Variants in SATB1 observed in about 807,000 individuals in gnomAD.
The protein encoded by SATB1 is SATB homeobox 1.
SATB1 carries 11 observed loss-of-function variants against 86.9 expected under a neutral mutation model. The observed-to-expected ratio is 0.13, with a 90% confidence interval of 0.08 to 0.21. SATB1 has a LOEUF of 0.21. SATB1 is among the 10% of genes least tolerant of loss of function. The pLI is 1.00. For missense variants in SATB1, 551 were observed against 937.6 expected (o/e 0.59, Z 5.39); for synonymous variants, 357 against 357.2 (o/e 1.00, Z 0.01).
intron 5 of SATB1, chr3:18,409,160 T>A (rs1043572619): frequency 6.6e-6 from 1 of 152,028 alleles, no homozygotes; most frequent in Non-Finnish European, 1.5e-5. Context: ...GCTTAAACTC[T>A]TTTATGTTTT....
chr3:18,371,680 A>G (rs906666303), intron 9 of SATB1, among the ~76,000 whole-genome samples: 1 of 152,208 alleles, frequency 6.6e-6, no homozygotes, highest in African/African-American at 2.4e-5. Flanking sequence ...GCATTTTCAT[A>G]GCTCATTCAT....
chr3:18,366,120 C>T (rs910894802), intron 9 of SATB1, among the ~76,000 whole-genome samples: 4 of 152,162 alleles, frequency 2.6e-5, no homozygotes, highest in African/African-American at 9.7e-5. Context: ...TGACAAGCAG[C>T]ACTCCTGTTG....
chr3:18,384,641 AG>A (rs1368897356), intron 8 of SATB1, among the ~76,000 whole-genome samples: 41 of 152,332 alleles, frequency 2.7e-4, no homozygotes, highest in African/African-American at 7.2e-4. Flanking sequence ...TAAACACTAC[AG>A]AAAAAGTACC....
At chr3:18,355,823 A>G (rs1694603019) in intron 9 of SATB1, among the ~76,000 whole-genome samples, 1 of 152,006 alleles carries the variant, frequency 6.6e-6, no homozygotes, top group East Asian at 1.9e-4. Context: ...TAAAATAATG[A>G]GACCGATCCA....
At chr3:18,433,656 T>C (rs1698963724) in intron 2 of SATB1, among the ~76,000 whole-genome samples, 1 of 152,092 alleles carries the variant, frequency 6.6e-6, no homozygotes, top group Non-Finnish European at 1.5e-5. Context: ...AATTAAGGAA[T>C]GCTAATAAAG....
At chr3:18,427,949 A>C (rs1698765372), upstream of SATB1, among the ~76,000 whole-genome samples, 1 of 152,240 alleles carries the variant, frequency 6.6e-6, no homozygotes, top group Non-Finnish European at 1.5e-5. Flanking sequence ...CACTGATGAA[A>C]TTAATTACTA....
chr3:18,417,583 G>C (rs1427051252), intron 2 of SATB1: 8 of 638,036 alleles, frequency 1.3e-5, no homozygotes, highest in Non-Finnish European at 1.9e-5. Context: ...TCCTTTTTTA[G>C]ATATTAACTC....
intron 8 of SATB1, among the ~76,000 whole-genome samples, chr3:18,385,167 C>T (rs983443253): frequency 6.6e-6 from 1 of 152,082 alleles, no homozygotes; most frequent in Non-Finnish European, 1.5e-5. Flanking sequence ...AAATGTATAA[C>T]CACTTTCTAC....
chr3:18,384,847 G>A (rs145325568), intron 8 of SATB1, among the ~76,000 whole-genome samples: 182 of 152,208 alleles, frequency 1.2e-3, no homozygotes, highest in Middle Eastern at 3.4e-3. Context: ...TGCGTGGGCA[G>A]GTGGGTGTGT....
At chr3:18,351,925 A>G in intron 10 of SATB1, 67 bp downstream of exon 10, 1 of 1,485,672 alleles carries the variant, frequency 6.7e-7, no homozygotes, top group Non-Finnish European at 9.4e-7. Flanking sequence ...GAGAAACGCT[A>G]ATTTCCCTGC....
chr3:18,419,872 A>T (rs937888760), intron 2 of SATB1, among the ~76,000 whole-genome samples: 1 of 152,238 alleles, frequency 6.6e-6, no homozygotes, highest in African/African-American at 2.4e-5. Context: ...CCAAGGAAAA[A>T]ATAAATGATT....
intron 7 of SATB1, among the ~76,000 whole-genome samples, chr3:18,388,662 G>A (rs1696470632): frequency 6.6e-6 from 1 of 152,090 alleles, no homozygotes; most frequent in Admixed American, 6.5e-5. Context: ...TTACCCATGA[G>A]TCAATTCTAG....
chr3:18,421,097 A>G, intron 1 of SATB1, 106 bp from the exon 2 acceptor site: 2 of 709,016 alleles, frequency 2.8e-6, no homozygotes, highest in Non-Finnish European at 4.7e-6. Context: ...CACAAATATA[A>G]TGTATTTGTA....
In SATB1 at chr3:18,349,416, G is replaced by A. The variant is rs200306946; in HGVS notation, c.2046C>T (p.Leu682=). Residue 682 remains leucine, a synonymous_variant, in exon 11 of 11, where the codon CTC becomes CTT. Coordinates refer to ENST00000338745, the MANE Select transcript of SATB1 (RefSeq NM_002971.6). This position sits in a 1 kb window ranked among gnomAD's most constrained non-coding sequence, Gnocchi z 5.5. ...TGATGATGGTGTACTTGGGAAGGTC[G>A]AGCTGGGCAGACAGAGTCTGGATGG... ...EEAIQTLSAQ[L]DLPKYTIIKF... is the part of the protein sequence containing the mutation. 7.4e-6 allele frequency: 12 copies of A among 1,614,182 alleles called. No individual in the cohort carries two copies. The Admixed American group carries it at 1.5e-4, about 20-fold the overall frequency.
At chr3:18,362,639 AATT>A (rs994748639) in intron 9 of SATB1, among the ~76,000 whole-genome samples, 1 of 151,974 alleles carries the variant, frequency 6.6e-6, no homozygotes, top group Non-Finnish European at 1.5e-5. Flanking sequence ...AGGCAAATAA[AATT>A]ATTATTTTCT....
At position 18,349,067 on chromosome 3, in the gene SATB1, C is replaced by CCAAA; in HGVS notation, c.*99_*102dup. 6.7e-7 allele frequency: 1 copy of CCAAA among 1,499,510 alleles called. No individual in the cohort carries two copies. The highest frequency in any genetic ancestry group is 8.9e-7 in the Non-Finnish European group (1 of 1,126,886). 92.9% of individuals were successfully genotyped at this position (1,499,510 alleles called of 1,614,324 possible). A position where few individuals can be genotyped will look rare whatever the true frequency, so the allele number is the denominator to read the frequency against. ...GTGCAAGTTTTTGAAGATTCATTGG[C>CCAAA]CAAACAATGAACAACAAAGGTTTTC... is the stretch of plus-strand genomic sequence containing the variant. On this transcript the variant is annotated 3_prime_UTR_variant, in exon 11 of 11. Transcript: ENST00000338745. The surrounding 1 kb of genome is among the most constrained non-coding windows in gnomAD (Gnocchi z 5.5).
chr3:18,416,872 T>C, intron 3 of SATB1, 30 bp downstream of exon 3: 4 of 1,560,112 alleles, frequency 2.6e-6, no homozygotes, highest in Non-Finnish European at 3.5e-6. Context: ...TGCTAAGCAA[T>C]TTTTCCAACC....
intron 9 of SATB1, among the ~76,000 whole-genome samples, chr3:18,376,439 C>G (rs1695759287): frequency 6.6e-6 from 1 of 151,452 alleles, no homozygotes; most frequent in Non-Finnish European, 1.5e-5. Flanking sequence ...GGAATGCAGT[C>G]TGATTATTAC....
rs1358200908 is a variant in SATB1 at position 18,394,880 on chromosome 3, C to A, written c.788G>T (p.Gly263Val). ...MDSLSELSQQ[G>V]ANHVNFGQQP... is the part of the protein sequence containing the mutation. ...CTGGCCAAAATTGACATGATTGGCG[C>A]CTTGCTGGGATAGCTCAGAAAGACT... Residue 263 changes from glycine (G) to valine (V), a missense_variant, in exon 7 of 11, where the codon GGC (glycine) becomes GTC (valine). Transcript: ENST00000338745. The surrounding 1 kb of genome is among the most constrained non-coding windows in gnomAD (Gnocchi z 5.9). 6.2e-7 allele frequency: 1 copy of A among 1,609,246 alleles called. No individual in the cohort carries two copies. The highest frequency in any genetic ancestry group is 1.1e-5 in the South Asian group (1 of 90,810).
Sources: gnomAD v4.1 joint callset for allele counts (sites outside exome capture counted in the v4.1 genomes callset) on GRCh38, gnomAD v4.1.1 for gene constraint, Gnocchi (gnomAD v3.1) non-coding constraint, MANE v1.5 for transcripts, NCBI Gene and HGNC (gene_info 2026-07-23, HGNC 2026-07-21) for gene names.